The following SLC38A1 variants were observed in gnomAD, a reference collection of about 807,000 sequenced individuals.
SLC38A1 encodes solute carrier family 38 member 1.
Under a neutral mutation model 60.3 loss-of-function variants are expected in SLC38A1, and 18 were observed. The ratio of observed to expected loss-of-function variants is 0.30; its 90% CI spans 0.21 to 0.44. SLC38A1 has a LOEUF of 0.44. Among genes scored for constraint, SLC38A1 ranks in the 20% least tolerant of loss-of-function variants. The pLI, the probability that SLC38A1 is intolerant of heterozygous loss-of-function variation, is 1.00. For missense variants in SLC38A1, 448 were observed against 587.2 expected (o/e 0.76, Z 2.45); for synonymous variants, 196 against 212.1 (o/e 0.92, Z 0.66).
intron 3 of SLC38A1, among the ~76,000 whole-genome samples, chr12:46,231,941 T>C (rs1941092669): frequency 6.6e-6 from 1 of 152,252 alleles, no homozygotes; most frequent in Admixed American, 6.5e-5. Flanking sequence ...AATGATGCTA[T>C]ATTTCACAAT....
chr12:46,229,203 C>G lies in SLC38A1; in HGVS notation c.264G>C (p.Gly88=). 6.2e-7 allele frequency: 1 copy of G among 1,613,758 alleles called. No individual in the cohort carries two copies. The highest frequency in any genetic ancestry group is 8.5e-7 in the Non-Finnish European group (1 of 1,179,826). Residue 88 remains glycine, a synonymous_variant, in exon 5 of 17, where the codon GGG becomes GGC. Transcript: ENST00000398637. Reference sequence around the variant, plus strand: ...CCAGGGCAAAGGCGAGTCCCAAAATCCCACTGCCCATAATGGCGTTGCTTA... The same window carrying G: ...CCAGGGCAAAGGCGAGTCCCAAAATGCCACTGCCCATAATGGCGTTGCTTA... ...FNLSNAIMGS[G]ILGLAFALAN...
chr12:46,234,537 T>C (rs1592126199), intron 3 of SLC38A1, among the ~76,000 whole-genome samples: 1 of 150,334 alleles, frequency 6.7e-6, no homozygotes, highest in Non-Finnish European at 1.5e-5. Flanking sequence ...AAGCTCCGCC[T>C]CCTGGGTTCA....
chr12:46,224,867 T>C (rs1940804747), intron 5 of SLC38A1, among the ~76,000 whole-genome samples: 1 of 152,190 alleles, frequency 6.6e-6, no homozygotes, highest in Non-Finnish European at 1.5e-5. Context: ...AATAGTTTCA[T>C]CCAGGAAAAA....
At chr12:46,234,060 G>A (rs1941169469) in intron 3 of SLC38A1, among the ~76,000 whole-genome samples, 1 of 152,172 alleles carries the variant, frequency 6.6e-6, no homozygotes, top group Admixed American at 6.5e-5. Flanking sequence ...CTTCCTCTCA[G>A]CCAATCTTTC....
intron 1 of SLC38A1, among the ~76,000 whole-genome samples, chr12:46,263,102 A>G (rs1001359847): frequency 6.6e-6 from 1 of 152,218 alleles, no homozygotes; most frequent in African/African-American, 2.4e-5. Context: ...GGAGCTTTAA[A>G]AAAATAAAAG....
At chr12:46,251,848 G>C (rs1592148055) in intron 1 of SLC38A1, among the ~76,000 whole-genome samples, 2 of 152,246 alleles carry the variant, frequency 1.3e-5, no homozygotes, top group African/African-American at 4.8e-5. Flanking sequence ...ACAGAGGCTG[G>C]AGAGGATGTG....
intron 3 of SLC38A1, among the ~76,000 whole-genome samples, chr12:46,237,993 A>C (rs1184892952): frequency 5.3e-5 from 8 of 151,870 alleles, no homozygotes; most frequent in Non-Finnish European, 1.2e-4. Context: ...AGGAGGGTAG[A>C]GTAAAAATAC....
intron 16 of SLC38A1, among the ~76,000 whole-genome samples, chr12:46,189,622 G>C (rs964611436): frequency 1.3e-5 from 2 of 152,194 alleles, no homozygotes; most frequent in Admixed American, 1.3e-4. Flanking sequence ...GATATGGTTT[G>C]GCTGTGTCCC....
chr12:46,201,541 A>G (rs1296903648), intron 12 of SLC38A1, among the ~76,000 whole-genome samples: 1 of 152,110 alleles, frequency 6.6e-6, no homozygotes, highest in Non-Finnish European at 1.5e-5. Context: ...AAAAAAATCA[A>G]TGCTGTTCTC....
At chr12:46,232,272 G>A (rs192838014) in intron 3 of SLC38A1, among the ~76,000 whole-genome samples, 1 of 152,320 alleles carries the variant, frequency 6.6e-6, no homozygotes, top group East Asian at 1.9e-4. Context: ...GGTAACACCA[G>A]TATAGGAACG....
intron 16 of SLC38A1, among the ~76,000 whole-genome samples, chr12:46,193,027 G>T (rs947498131): frequency 1.3e-5 from 2 of 152,140 alleles, no homozygotes; most frequent in African/African-American, 4.8e-5. Flanking sequence ...TGATGTAGGG[G>T]TGTCGATTTT....
intron 1 of SLC38A1, among the ~76,000 whole-genome samples, chr12:46,244,481 A>G (rs1390045453): frequency 6.6e-6 from 1 of 152,224 alleles, no homozygotes; most frequent in Non-Finnish European, 1.5e-5. Flanking sequence ...TTTAGATTCC[A>G]CCAATGGGAG....
intron 1 of SLC38A1, among the ~76,000 whole-genome samples, chr12:46,253,605 G>T (rs765261027): frequency 8.5e-5 from 13 of 152,170 alleles, no homozygotes; most frequent in Non-Finnish European, 1.0e-4. Flanking sequence ...TATCATTAAG[G>T]TCTTTATGAC....
chr12:46,242,048 G>A (rs1358989723), intron 2 of SLC38A1, among the ~76,000 whole-genome samples: 1 of 152,074 alleles, frequency 6.6e-6, no homozygotes, highest in Non-Finnish European at 1.5e-5. Flanking sequence ...ATATATATGT[G>A]AGTGTGTGTA....
Position 46,183,926 on chromosome 12 carries a change from T to C in SLC38A1, c.*5044A>G, listed in dbSNP as rs183603024. 13 of 152,780 alleles carry C rather than the reference T, an allele frequency of 8.5e-5. No individual in the cohort carries two copies. Among genetic ancestry groups the C allele is most frequent in the Admixed American group, 5.9e-4 (9 of 15,300 alleles). The allele number at this position is 152,780 out of a possible 1,614,324, so 9.5% of individuals were successfully genotyped here. On this transcript the variant is annotated 3_prime_UTR_variant, in exon 17 of 17. Coordinates refer to ENST00000398637, the MANE Select transcript of SLC38A1 (RefSeq NM_030674.4). Reference sequence around the variant, plus strand: ...ATTTCTAGGAAACATTTATTGTTTATATGCAGATCCTAGAGACTTCTATTT... The same window carrying C: ...ATTTCTAGGAAACATTTATTGTTTACATGCAGATCCTAGAGACTTCTATTT...
At chr12:46,224,151 G>T (rs1294519780) in intron 5 of SLC38A1, among the ~76,000 whole-genome samples, 1 of 152,024 alleles carries the variant, frequency 6.6e-6, no homozygotes, top group African/African-American at 2.4e-5. Flanking sequence ...TTTTATTTGG[G>T]TCCTCACTCC....
chr12:46,247,572 A>C (rs925855738), intron 1 of SLC38A1, among the ~76,000 whole-genome samples: 19 of 152,242 alleles, frequency 1.2e-4, no homozygotes, highest in African/African-American at 4.3e-4. Context: ...GTGTACGTGA[A>C]AGTGATGGGG....
intron 1 of SLC38A1, among the ~76,000 whole-genome samples, chr12:46,257,573 T>C (rs1359759700): frequency 6.6e-6 from 1 of 152,126 alleles, no homozygotes; most frequent in Non-Finnish European, 1.5e-5. Context: ...TTCGGTATTG[T>C]ACCTTCCGGG....
At chr12:46,212,239 T>C (rs1442747651) in intron 5 of SLC38A1, among the ~76,000 whole-genome samples, 1 of 152,234 alleles carries the variant, frequency 6.6e-6, no homozygotes, top group Non-Finnish European at 1.5e-5. Flanking sequence ...GGGTAGATAT[T>C]TGTACATATA....
Sources: allele counts gnomAD v4.1 joint callset (sites outside exome capture counted in the v4.1 genomes callset), GRCh38; gene constraint gnomAD v4.1.1; transcripts MANE v1.5; gene names NCBI Gene and HGNC (gene_info 2026-07-23, HGNC 2026-07-21).